DTNBP1: variants seen among roughly 807,000 people sequenced by gnomAD.
DTNBP1 encodes the protein dystrobrevin binding protein 1, also known as dysbindin.
Under a neutral mutation model 42.8 loss-of-function variants are expected in DTNBP1, and 35 were observed. The observed-to-expected ratio is 0.82, with a 90% CI of 0.63 to 1.09. The LOEUF (loss-of-function observed/expected upper bound fraction) is 1.09, where lower values mean the gene tolerates loss of function less well. Among genes scored for constraint, DTNBP1 ranks in the 50% least tolerant of loss-of-function variants. The pLI is 0.00. For synonymous variants in DTNBP1, 171 were observed against 162.2 expected, an observed-to-expected ratio of 1.05 and a Z score of -0.41; for missense variants, 457 against 424.2, an observed-to-expected ratio of 1.08 and a Z score of -0.68.
chr6:15,522,876 A>G lies in DTNBP1; in HGVS notation c.*99T>C. ...CACACATTATTGGCAATTATGTAAA[A>G]ATCAAGAACCTCTATAAAACAACCT... On this transcript the variant is annotated 3_prime_UTR_variant, in exon 10 of 10. Transcript: ENST00000344537. 6.2e-7 allele frequency: 1 copy of G among 1,600,622 alleles called. No homozygotes were observed. Among genetic ancestry groups the G allele is most frequent in the Non-Finnish European group, 8.5e-7 (1 of 1,171,224 alleles).
Position 15,658,492 on chromosome 6 carries a change from G to A in DTNBP1, c.56+4322C>T, listed in dbSNP as rs141445090. Among the ~76,000 whole-genome samples, 677 of 152,184 alleles carry A rather than the reference G, an allele frequency of 4.4e-3. 7 individuals carry two copies. The highest frequency in any genetic ancestry group is 0.015 in the African/African-American group (623 of 41,510). ...CGGCAGGGGCAGTGAGGGCTTTGAG[G>A]GGGAAACACCCTCTAGCTGCAACAA... On this transcript the variant is annotated intron_variant, in intron 1 of 9. Transcript: ENST00000344537.
chr6:15,615,589 T>C (rs1758673302), intron 5 of DTNBP1, among the ~76,000 whole-genome samples, 190 bp from the exon 6 acceptor site: 1 of 152,238 alleles, frequency 6.6e-6, no homozygotes, highest in Non-Finnish European at 1.5e-5. Flanking sequence ...AATTACTTTT[T>C]TGACTACATT....
intron 4 of DTNBP1, among the ~76,000 whole-genome samples, chr6:15,634,451 G>T (rs887912753): frequency 6.6e-6 from 1 of 152,082 alleles, no homozygotes; most frequent in Non-Finnish European, 1.5e-5. Context: ...CAAGTAGCTG[G>T]AATTACAGGT....
chr6:15,568,892 T>A (rs1234800709), intron 7 of DTNBP1, among the ~76,000 whole-genome samples: 1 of 152,164 alleles, frequency 6.6e-6, no homozygotes, highest in Non-Finnish European at 1.5e-5. Flanking sequence ...AGTAGTTAAG[T>A]TTTTGGGGAG....
intron 7 of DTNBP1, among the ~76,000 whole-genome samples, chr6:15,591,195 C>T (rs555759228): frequency 1.2e-4 from 18 of 151,728 alleles, no homozygotes; most frequent in Admixed American, 9.8e-4. Flanking sequence ...CTGCAACCTC[C>T]ACCTCCCAGG....
intron 3 of DTNBP1, among the ~76,000 whole-genome samples, chr6:15,641,309 G>A (rs764928160): frequency 6.6e-6 from 1 of 152,168 alleles, no homozygotes; most frequent in East Asian, 1.9e-4. Context: ...ACTGGTGAGT[G>A]GACAAATTCT....
intron 7 of DTNBP1, among the ~76,000 whole-genome samples, chr6:15,581,986 T>G (rs1375678355): frequency 6.6e-6 from 1 of 152,122 alleles, no homozygotes; most frequent in Admixed American, 6.6e-5. Flanking sequence ...GCAGCATAAA[T>G]CAGCATCTTT....
intron 7 of DTNBP1, among the ~76,000 whole-genome samples, chr6:15,582,631 A>G (rs1035498543): frequency 6.6e-6 from 1 of 152,208 alleles, no homozygotes; most frequent in African/African-American, 2.4e-5. Flanking sequence ...AATTACTACG[A>G]TAATTCTTAT....
At chr6:15,544,907 C>T (rs541338901) in intron 7 of DTNBP1, among the ~76,000 whole-genome samples, 2 of 152,114 alleles carry the variant, frequency 1.3e-5, no homozygotes, top group East Asian at 3.9e-4. Flanking sequence ...TTGCTGTTTC[C>T]AAAGGTACTT....
Position 15,662,861 on chromosome 6 carries a change from C to A in DTNBP1, c.9G>T (p.Glu3Asp). 1 of 1,607,580 alleles carries A rather than the reference C, an allele frequency of 6.2e-7. No homozygotes were observed. ...CGCTCAGCAGCCGCTCGCGAAGGGT[C>A]TCCAGCATTGCCGCCGCCGCCGGTC... ML[E>D]TLRERLLSVQ... The change falls in exon 1 of 10, where the codon GAG becomes GAT. Residue 3 changes from glutamate (E) to aspartate (D), a missense_variant. Physicochemically the swap from Glu to Asp is conservative, Grantham distance 45. Coordinates refer to ENST00000344537, the MANE Select transcript of DTNBP1 (RefSeq NM_032122.5).
At chr6:15,650,529 G>T (rs1008494298) in intron 3 of DTNBP1, among the ~76,000 whole-genome samples, 5 of 152,106 alleles carry the variant, frequency 3.3e-5, no homozygotes, top group African/African-American at 1.2e-4. Context: ...TGATCTGCCT[G>T]CCTCAGCCTC....
At position 15,530,026 on chromosome 6, in the gene DTNBP1, C is replaced by T. The variant is rs60425457; in HGVS notation, c.667+3214G>A. Among the ~76,000 whole-genome samples the T allele has an allele frequency of 2.6e-3, 392 of 152,384 alleles. 2 individuals carry two copies. Among genetic ancestry groups the T allele is most frequent in the African/African-American group, 9.1e-3 (380 of 41,592 alleles). On this transcript the variant is annotated intron_variant, in intron 8 of 9. Coordinates refer to ENST00000344537, the MANE Select transcript of DTNBP1 (RefSeq NM_032122.5). ...GGCACATATGTGCCTTCACCCCTTC[C>T]TCTGATGATTCTCTGGATAAAACTT...
intron 7 of DTNBP1, among the ~76,000 whole-genome samples, chr6:15,584,375 T>C (rs919023005): frequency 2.0e-5 from 3 of 152,106 alleles, no homozygotes; most frequent in Non-Finnish European, 4.4e-5. Context: ...TTATCATACA[T>C]TCCCTATAAG....
chr6:15,563,027 T>A (rs1240562281), intron 7 of DTNBP1, among the ~76,000 whole-genome samples: 1 of 152,106 alleles, frequency 6.6e-6, no homozygotes, highest in Non-Finnish European at 1.5e-5. Context: ...CATAAATGAG[T>A]TTCACTGAGA....
chr6:15,549,186 C>A (rs1187879740), intron 7 of DTNBP1, among the ~76,000 whole-genome samples: 1 of 152,076 alleles, frequency 6.6e-6, no homozygotes, highest in Non-Finnish European at 1.5e-5. Flanking sequence ...TGATTTTCTT[C>A]TTTTTAAAGG....
At chr6:15,616,600 G>T (rs1448236937) in intron 5 of DTNBP1, among the ~76,000 whole-genome samples, 1 of 152,144 alleles carries the variant, frequency 6.6e-6, no homozygotes, top group Admixed American at 6.5e-5. Flanking sequence ...TCCAGTCTTG[G>T]GTTCACTTAA....
Position 15,591,671 on chromosome 6 carries a change from C to G in DTNBP1, c.511+1388G>C, listed in dbSNP as rs138662389. Among the ~76,000 whole-genome samples, 5 of 152,296 alleles carry G rather than the reference C, an allele frequency of 3.3e-5. No individual in the cohort carries two copies. The East Asian group carries it at 9.6e-4, about 29-fold the overall frequency. On this transcript the variant is annotated intron_variant, in intron 7 of 9. Transcript: ENST00000344537. Reference sequence around the variant, plus strand: ...CTAACCTTTTGCAAACTGCTATTCTCTTCTTTTTCTCTGAATATTGTCACA... The same window carrying G: ...CTAACCTTTTGCAAACTGCTATTCTGTTCTTTTTCTCTGAATATTGTCACA...
intron 5 of DTNBP1, among the ~76,000 whole-genome samples, chr6:15,617,503 T>C (rs1758777553): frequency 6.6e-6 from 1 of 152,014 alleles, no homozygotes; most frequent in African/African-American, 2.4e-5. Flanking sequence ...CAAAACAGCA[T>C]GATGCTAGCA....
intron 8 of DTNBP1, among the ~76,000 whole-genome samples, chr6:15,530,682 C>T (rs150688460): frequency 9.9e-4 from 150 of 152,076 alleles, no homozygotes; most frequent in Non-Finnish European, 1.7e-3. Context: ...GGTGCATCCA[C>T]GGCTCTCCCT....
Sources: allele counts gnomAD v4.1 joint callset (sites outside exome capture counted in the v4.1 genomes callset), GRCh38; gene constraint gnomAD v4.1.1; transcripts MANE v1.5; gene names NCBI Gene and HGNC (gene_info 2026-07-23, HGNC 2026-07-21).